The following SLC25A13 variants were observed in gnomAD, a reference collection of about 807,000 sequenced individuals.
SLC25A13 encodes the protein solute carrier family 25 member 13.
In SLC25A13, 70 loss-of-function variants were observed where a neutral mutation model predicts 85.5. That is an observed-to-expected ratio of 0.82 (90% CI 0.68 to 1.00). The LOEUF (loss-of-function observed/expected upper bound fraction) is 1.00. SLC25A13 is among the 50% of genes least tolerant of loss of function. The pLI, the probability that SLC25A13 is intolerant of heterozygous loss-of-function variation, is 0.00. For synonymous variants in SLC25A13, 259 were observed against 288.7 expected, an observed-to-expected ratio of 0.90 and a Z score of 1.04; for missense variants, 765 against 819.8, an observed-to-expected ratio of 0.93 and a Z score of 0.82.
intron 2 of SLC25A13, among the ~76,000 whole-genome samples, chr7:96,281,168 A>G (rs970486252): frequency 1.3e-5 from 2 of 152,150 alleles, no homozygotes; most frequent in Non-Finnish European, 2.9e-5. Context: ...AGGCAGGTGG[A>G]TCACCTAAGG....
intron 1 of SLC25A13, among the ~76,000 whole-genome samples, chr7:96,316,527 C>T (rs558148155): frequency 1.3e-5 from 2 of 152,198 alleles, no homozygotes; most frequent in East Asian, 1.9e-4. Context: ...GGGAGAGCAG[C>T]GCAGAGGTTA....
chr7:96,297,888 A>G (rs892337219), intron 1 of SLC25A13, among the ~76,000 whole-genome samples: 7 of 152,224 alleles, frequency 4.6e-5, no homozygotes, highest in Non-Finnish European at 1.0e-4. Flanking sequence ...ATTAGCTCAG[A>G]ATGGGTGTTG....
chr7:96,302,270 T>C (rs1422633731), intron 1 of SLC25A13, among the ~76,000 whole-genome samples: 1 of 152,168 alleles, frequency 6.6e-6, no homozygotes, highest in Admixed American at 6.5e-5. Flanking sequence ...AAAGTCATCT[T>C]TCAGGACAAA....
intron 3 of SLC25A13, among the ~76,000 whole-genome samples, chr7:96,249,739 A>G (rs1334036118): frequency 6.6e-6 from 1 of 152,130 alleles, no homozygotes; most frequent in Non-Finnish European, 1.5e-5. Flanking sequence ...AGTACTTTAT[A>G]TTTTTGCAAG....
At chr7:96,257,715 T>C (rs1428233885) in intron 3 of SLC25A13, among the ~76,000 whole-genome samples, 3 of 152,212 alleles carry the variant, frequency 2.0e-5, no homozygotes, top group Non-Finnish European at 4.4e-5. Flanking sequence ...ACTCATTTTA[T>C]GAGGCTAGCA....
Position 96,120,811 on chromosome 7 carries a change from CG to C in SLC25A13, c.*379del. 2.2e-6 allele frequency: 1 copy of C among 461,984 alleles called. No homozygotes were observed. The highest frequency in any genetic ancestry group is 4.3e-6 in the Non-Finnish European group (1 of 232,102). The allele number at this position is 461,984 out of a possible 1,614,324, so 28.6% of individuals were successfully genotyped here. A position where few individuals can be genotyped will look rare whatever the true frequency, so the allele number is the denominator to read the frequency against. On this transcript the variant is annotated 3_prime_UTR_variant, in exon 18 of 18. Transcript: ENST00000265631. ...GTTTCCTACCAGTTTAAAACACACA[CG>C]AAACACTGCTCTGAGCACCATGATT...
At chr7:96,240,192 A>G (rs1306865276) in intron 3 of SLC25A13, among the ~76,000 whole-genome samples, 1 of 152,230 alleles carries the variant, frequency 6.6e-6, no homozygotes, top group Non-Finnish European at 1.5e-5. Flanking sequence ...GTTAAGTAAC[A>G]TAAGAGAACT....
At chr7:96,229,031 G>A (rs566687611) in intron 4 of SLC25A13, among the ~76,000 whole-genome samples, 139 of 151,206 alleles carry the variant, frequency 9.2e-4, no homozygotes, top group African/African-American at 3.2e-3. Flanking sequence ...CCTCCCCAAC[G>A]GGTGCCGCCC....
chr7:96,265,514 C>A (rs1225881201), intron 3 of SLC25A13, among the ~76,000 whole-genome samples: 1 of 152,186 alleles, frequency 6.6e-6, no homozygotes, highest in Non-Finnish European at 1.5e-5. Flanking sequence ...TTTCCTCAGA[C>A]AACCACCATA....
chr7:96,241,572 C>T (rs1407452626), intron 3 of SLC25A13, among the ~76,000 whole-genome samples: 1 of 152,090 alleles, frequency 6.6e-6, no homozygotes, highest in African/African-American at 2.4e-5. Flanking sequence ...ATTTTGCATA[C>T]ACACAAAGTC....
intron 14 of SLC25A13, among the ~76,000 whole-genome samples, chr7:96,133,169 CCT>C (rs1419727445): frequency 2.6e-5 from 4 of 152,312 alleles, no homozygotes; most frequent in Middle Eastern, 3.4e-3. Context: ...GTTGGCTCTT[CCT>C]CAGTCAACTT....
intron 3 of SLC25A13, among the ~76,000 whole-genome samples, chr7:96,271,607 A>C (rs1798240854): frequency 6.6e-6 from 1 of 152,208 alleles, no homozygotes; most frequent in East Asian, 1.9e-4. Context: ...AAACTGCTTA[A>C]ATACCAAGAG....
chr7:96,193,019 G>A lies in SLC25A13; in HGVS notation c.615+18C>T, dbSNP rs999413746. On this transcript the variant is annotated intron_variant, in intron 6 of 17. Coordinates refer to ENST00000265631, the MANE Select transcript of SLC25A13 (RefSeq NM_014251.3). ...TTTACTGAGTTAAACCACTTCATTA[G>A]GGCAAGTTACAACTTACAGCTACTA... The A allele has an allele frequency of 6.2e-7, 1 of 1,613,214 alleles. No homozygotes were observed. Among genetic ancestry groups the A allele is most frequent in the Non-Finnish European group, 8.5e-7 (1 of 1,179,464 alleles).
chr7:96,270,654 T>C (rs1798207181), intron 3 of SLC25A13, among the ~76,000 whole-genome samples: 1 of 151,794 alleles, frequency 6.6e-6, no homozygotes, highest in Non-Finnish European at 1.5e-5. Flanking sequence ...AGCCTGAGCC[T>C]AGGAATTTGA....
At chr7:96,131,562 C>T (rs1311472884) in intron 15 of SLC25A13, among the ~76,000 whole-genome samples, 181 bp downstream of exon 15, 1 of 152,182 alleles carries the variant, frequency 6.6e-6, no homozygotes, top group East Asian at 1.9e-4. Flanking sequence ...CTAATAATCT[C>T]ATCTGCCAGA....
At chr7:96,171,178 G>A (rs975309107) in intron 12 of SLC25A13, among the ~76,000 whole-genome samples, 1 of 152,120 alleles carries the variant, frequency 6.6e-6, no homozygotes, top group Non-Finnish European at 1.5e-5. Flanking sequence ...CCAGTAAAAC[G>A]TAATATACGT....
chr7:96,122,098 C>T (rs897103522), intron 15 of SLC25A13, 101 bp from the exon 16 acceptor site: 21 of 1,507,182 alleles, frequency 1.4e-5, no homozygotes, highest in Middle Eastern at 3.6e-4. Flanking sequence ...GTTAAAAATC[C>T]GATTCAATAA....
chr7:96,203,063 C>A (rs1443862761), intron 5 of SLC25A13, among the ~76,000 whole-genome samples: 1 of 152,192 alleles, frequency 6.6e-6, no homozygotes, highest in Admixed American at 6.5e-5. Context: ...TCCTTGGTCA[C>A]GTTCCTCTCC....
intron 4 of SLC25A13, among the ~76,000 whole-genome samples, chr7:96,225,857 C>T (rs1796311688): frequency 6.6e-6 from 1 of 152,084 alleles, no homozygotes; most frequent in African/African-American, 2.4e-5. Flanking sequence ...TTTATAGTCT[C>T]TCTCCCTAAA....
Sources: allele counts gnomAD v4.1 joint callset (sites outside exome capture counted in the v4.1 genomes callset), GRCh38; gene constraint gnomAD v4.1.1; transcripts MANE v1.5; gene names NCBI Gene and HGNC (gene_info 2026-07-23, HGNC 2026-07-21).